Variants in CTNNA2 observed in about 807,000 individuals in gnomAD.
CTNNA2 encodes the protein catenin alpha-2.
CTNNA2 carries 42 observed loss-of-function variants against 101.0 expected under a neutral mutation model. The observed-to-expected ratio is 0.42, with a 90% CI of 0.32 to 0.54. The LOEUF (loss-of-function observed/expected upper bound fraction) is 0.54, where lower values mean the gene tolerates loss of function less well. Among genes scored for constraint, CTNNA2 ranks in the 20% least tolerant of loss-of-function variants. The probability of loss-of-function intolerance (pLI) is 0.14; values close to 1 mark genes in which losing one functional copy is unlikely to be tolerated. For missense variants in CTNNA2, 871 were observed against 1,223.1 expected (o/e 0.71, Z 4.29); for synonymous variants, 450 against 456.4 (o/e 0.99, Z 0.18).
intron 2 of CTNNA2, among the ~76,000 whole-genome samples, chr2:79,273,223 T>G (rs1250318906): frequency 6.6e-6 from 1 of 152,062 alleles, no homozygotes; most frequent in African/African-American, 2.4e-5. Flanking sequence ...ACTCATTTTA[T>G]CCTTAGGGCA....
intron 3 of CTNNA2, among the ~76,000 whole-genome samples, chr2:79,756,702 C>T (rs1346558531): frequency 6.6e-6 from 1 of 152,090 alleles, no homozygotes; most frequent in Non-Finnish European, 1.5e-5. Context: ...CCATAATATA[C>T]AAAGAACTCT....
chr2:79,968,830 CT>C (rs11382904), intron 7 of CTNNA2, among the ~76,000 whole-genome samples: 31 of 148,086 alleles, frequency 2.1e-4, no homozygotes, highest in Admixed American at 5.4e-4. Context: ...CATGACCCTT[CT>C]TTTTTTTTTT....
At chr2:79,451,999 G>C (rs958269853) in intron 4 of CTNNA2, among the ~76,000 whole-genome samples, 1 of 151,958 alleles carries the variant, frequency 6.6e-6, no homozygotes, top group Non-Finnish European at 1.5e-5. Flanking sequence ...TTACCCAACA[G>C]TGTGAGGGAG....
intron 7 of CTNNA2, among the ~76,000 whole-genome samples, chr2:80,142,406 CT>C (rs1270818892): frequency 6.6e-6 from 1 of 152,086 alleles, no homozygotes; most frequent in Non-Finnish European, 1.5e-5. Context: ...CAGACCCCAG[CT>C]TGGTTTGATA....
chr2:79,790,942 A>T (rs1296127933), intron 3 of CTNNA2, among the ~76,000 whole-genome samples: 1 of 152,234 alleles, frequency 6.6e-6, no homozygotes, highest in Non-Finnish European at 1.5e-5. Context: ...TTTAGAACAT[A>T]GAGAACATAT....
intron 7 of CTNNA2, among the ~76,000 whole-genome samples, chr2:80,144,297 C>G (rs74501960): frequency 6.6e-6 from 1 of 152,122 alleles, no homozygotes; most frequent in Non-Finnish European, 1.5e-5. Flanking sequence ...CCCATAGATG[C>G]ACCTGGTTAA....
At chr2:80,166,510 C>A (rs1466828060) in intron 7 of CTNNA2, among the ~76,000 whole-genome samples, 1 of 152,150 alleles carries the variant, frequency 6.6e-6, no homozygotes. Flanking sequence ...CTCCATGCCA[C>A]CTCCTAACTC....
At chr2:79,290,866 A>G (rs113659864) in intron 2 of CTNNA2, among the ~76,000 whole-genome samples, 1 of 152,240 alleles carries the variant, frequency 6.6e-6, no homozygotes, top group African/African-American at 2.4e-5. Flanking sequence ...CTCAGGATAC[A>G]GAAAGCCCTC....
At chr2:79,414,908 C>G (rs779297137) in intron 4 of CTNNA2, among the ~76,000 whole-genome samples, 10 of 152,160 alleles carry the variant, frequency 6.6e-5, no homozygotes, top group Non-Finnish European at 1.2e-4. Context: ...AATTTCCCAC[C>G]TGGCCCGGCC....
chr2:79,869,789 T>C (rs933309742), intron 4 of CTNNA2, 27 bp from the exon 5 acceptor site: 2 of 1,603,744 alleles, frequency 1.2e-6, no homozygotes, highest in South Asian at 2.3e-5. Flanking sequence ...TATCCACTAA[T>C]AAATATGTTG....
intron 3 of CTNNA2, among the ~76,000 whole-genome samples, chr2:79,781,460 C>T (rs1423119020): frequency 6.6e-6 from 1 of 152,164 alleles, no homozygotes; most frequent in Non-Finnish European, 1.5e-5. Flanking sequence ...TTACCCAGCT[C>T]CTATTCAAGA....
intron 7 of CTNNA2, among the ~76,000 whole-genome samples, chr2:80,003,482 C>G (rs1161734148): frequency 6.6e-6 from 1 of 152,116 alleles, no homozygotes; most frequent in Non-Finnish European, 1.5e-5. Flanking sequence ...ACCACTGGGC[C>G]TACACAATGG....
At position 79,994,363 on chromosome 2, in the gene CTNNA2, C is replaced by T. The variant is rs367621384; in HGVS notation, c.1056+84566C>T. Reference sequence around the variant, plus strand: ...GTTGCGACATAGTCAAATAAAACTTCCTGAATTTACCTGCTGTACTTTGTC... The same window carrying T: ...GTTGCGACATAGTCAAATAAAACTTTCTGAATTTACCTGCTGTACTTTGTC... On this transcript the variant is annotated intron_variant, in intron 7 of 18. Coordinates refer to ENST00000402739, the MANE Select transcript of CTNNA2 (RefSeq NM_001282597.3). Among the ~76,000 whole-genome samples, 21 of 152,282 alleles carry T rather than the reference C, an allele frequency of 1.4e-4. No homozygotes were observed. The East Asian group carries it at 4.1e-3, about 29-fold the overall frequency.
chr2:79,491,158 C>T (rs764646304), intron 4 of CTNNA2, among the ~76,000 whole-genome samples: 2 of 152,154 alleles, frequency 1.3e-5, no homozygotes, highest in African/African-American at 2.4e-5. Flanking sequence ...GTCTGAACTT[C>T]GCTTCTTGTA....
chr2:80,185,588 A>G (rs539992631), intron 7 of CTNNA2, among the ~76,000 whole-genome samples: 1 of 152,330 alleles, frequency 6.6e-6, no homozygotes, highest in African/African-American at 2.4e-5. Flanking sequence ...GACCTTTCAG[A>G]GTCTTGAGCA....
intron 7 of CTNNA2, among the ~76,000 whole-genome samples, chr2:80,321,428 G>A (rs1472417154): frequency 3.3e-5 from 5 of 152,170 alleles, no homozygotes; most frequent in South Asian, 2.1e-4. Context: ...TATATTGAAC[G>A]GAGTACAGAT....
chr2:79,271,210 G>A (rs1675074204), intron 2 of CTNNA2, among the ~76,000 whole-genome samples: 1 of 151,872 alleles, frequency 6.6e-6, no homozygotes, highest in South Asian at 2.1e-4. Flanking sequence ...AATTTTTTTG[G>A]CTATGGGAGG....
At chr2:79,930,008 G>A (rs35830168) in intron 7 of CTNNA2, among the ~76,000 whole-genome samples, 13,040 of 152,014 alleles carry the variant, frequency 0.086, 649 homozygotes, top group East Asian at 0.2. Flanking sequence ...AGGCTAAGGT[G>A]GACAGATCAC....
intron 9 of CTNNA2, among the ~76,000 whole-genome samples, chr2:80,541,186 A>C (rs553350912): frequency 6.6e-6 from 1 of 152,346 alleles, no homozygotes; most frequent in Non-Finnish European, 1.5e-5. Context: ...GACCAACTTA[A>C]AATATGTAAG....
Sources: gnomAD v4.1 joint callset for allele counts (sites outside exome capture counted in the v4.1 genomes callset) on GRCh38, gnomAD v4.1.1 for gene constraint, MANE v1.5 for transcripts, NCBI Gene and HGNC (gene_info 2026-07-23, HGNC 2026-07-21) for gene names.